Variants in KCNAB1 observed in about 807,000 individuals in gnomAD.
The protein encoded by KCNAB1 is potassium voltage-gated channel subfamily A regulatory beta subunit 1.
In KCNAB1, 35 loss-of-function variants were observed where a neutral mutation model predicts 64.6. The ratio of observed to expected loss-of-function variants is 0.54; its 90% CI spans 0.41 to 0.72. KCNAB1 has a LOEUF of 0.72. Ranked by LOEUF, KCNAB1 falls within the 30% of genes least tolerant of loss-of-function variation. The pLI is 0.00. For synonymous variants in KCNAB1, 177 were observed against 183.8 expected (o/e 0.96, Z 0.30); for missense variants, 401 against 512.9 (o/e 0.78, Z 2.11).
intron 1 of KCNAB1, chr3:156,176,824 C>T (rs1712408869): frequency 7.4e-6 from 7 of 946,780 alleles, no homozygotes; most frequent in Middle Eastern, 2.2e-4. Flanking sequence ...GGGCCCGATC[C>T]CGCCACTCCC....
chr3:156,154,451 A>G (rs747575517), intron 1 of KCNAB1, among the ~76,000 whole-genome samples: 1 of 152,044 alleles, frequency 6.6e-6, no homozygotes, highest in South Asian at 2.1e-4. Flanking sequence ...CCTCCGAACT[A>G]TGGGGGACAA....
intron 1 of KCNAB1, among the ~76,000 whole-genome samples, chr3:156,245,859 A>T (rs1189609708): frequency 6.6e-6 from 1 of 152,216 alleles, no homozygotes; most frequent in Non-Finnish European, 1.5e-5. Context: ...AAAGGCATTT[A>T]GCAACAGAAA....
chr3:156,489,914 A>G (rs558763097), intron 8 of KCNAB1, among the ~76,000 whole-genome samples: 1 of 152,200 alleles, frequency 6.6e-6, no homozygotes, highest in African/African-American at 2.4e-5. Flanking sequence ...GGGGTGAGGC[A>G]GGGACCAGGA....
At chr3:156,253,844 A>C (rs1717960476) in intron 1 of KCNAB1, among the ~76,000 whole-genome samples, 1 of 152,240 alleles carries the variant, frequency 6.6e-6, no homozygotes, top group African/African-American at 2.4e-5. Context: ...CTTCTGTGTG[A>C]TTCTGATGCC....
chr3:156,488,087 C>T (rs1308141779), intron 8 of KCNAB1, among the ~76,000 whole-genome samples: 1 of 152,026 alleles, frequency 6.6e-6, no homozygotes, highest in Non-Finnish European at 1.5e-5. Flanking sequence ...CACTCAGGTG[C>T]AAAACCTGGC....
chr3:156,178,314 A>G (rs1014253622), intron 1 of KCNAB1, among the ~76,000 whole-genome samples: 12 of 152,226 alleles, frequency 7.9e-5, no homozygotes, highest in Non-Finnish European at 1.6e-4. Context: ...GAGAACTATC[A>G]GGCAAGGAGA....
intron 1 of KCNAB1, among the ~76,000 whole-genome samples, chr3:156,162,717 A>T (rs532185489): frequency 1.3e-5 from 2 of 151,838 alleles, no homozygotes; most frequent in Non-Finnish European, 2.9e-5. Context: ...CCTTTGGTTT[A>T]AAAGAAAACA....
intron 1 of KCNAB1, among the ~76,000 whole-genome samples, chr3:156,316,471 A>G (rs1321522651): frequency 1.3e-5 from 2 of 152,260 alleles, no homozygotes; most frequent in Non-Finnish European, 2.9e-5. Flanking sequence ...GGTCAGTCTC[A>G]GTAGTTTTCA....
At chr3:156,447,332 C>G (rs1166147671) in intron 2 of KCNAB1, among the ~76,000 whole-genome samples, 1 of 151,814 alleles carries the variant, frequency 6.6e-6, no homozygotes, top group African/African-American at 2.4e-5. Flanking sequence ...TTTTGTTATT[C>G]CTTTTTCTTT....
At chr3:156,463,248 A>G (rs962572025) in intron 5 of KCNAB1, among the ~76,000 whole-genome samples, 1 of 152,182 alleles carries the variant, frequency 6.6e-6, no homozygotes, top group Non-Finnish European at 1.5e-5. Context: ...AGGAGTTCAT[A>G]TGCAATCAGC....
rs1560149802 is a variant in KCNAB1 at position 156,232,994 on chromosome 3, CCT to C, written c.275+112111_275+112112del. Among the ~76,000 whole-genome samples, 4 of 152,038 alleles carry C rather than the reference CCT, an allele frequency of 2.6e-5. No homozygotes were observed. In the South Asian group the frequency reaches 8.3e-4, roughly 32 times the overall value. On this transcript the variant is annotated intron_variant, in intron 1 of 13. Coordinates refer to ENST00000490337, the MANE Select transcript of KCNAB1 (RefSeq NM_172160.3). ...ATTATTATACCTGTGGATTATTATACCTCTTCTAGAGGATGGTCCATGCCTGG... is the reference window on the plus strand; with the variant it reads ...ATTATTATACCTGTGGATTATTATACCTTCTAGAGGATGGTCCATGCCTGG...
At position 156,537,240 on chromosome 3, in the gene KCNAB1, C is replaced by CAAA. The variant is rs3085726; in HGVS notation, c.*503_*505dup. On this transcript the variant is annotated 3_prime_UTR_variant, in exon 14 of 14. Transcript: ENST00000490337. ...TAGTTATTAAAAATATATCTCACTG[C>CAAA]AAAAAAAAAAAAGCAGTATCTTCAC... 10 of 350,160 alleles carry CAAA rather than the reference C, an allele frequency of 2.9e-5. No individual in the cohort carries two copies. The highest frequency in any genetic ancestry group is 2.6e-4 in the East Asian group (6 of 22,766). 21.7% of individuals were successfully genotyped at this position (350,160 alleles called of 1,614,324 possible).
chr3:156,350,288 G>A (rs963454918), intron 1 of KCNAB1, among the ~76,000 whole-genome samples: 1 of 152,160 alleles, frequency 6.6e-6, no homozygotes, highest in Non-Finnish European at 1.5e-5. Flanking sequence ...AGTGGTTTAT[G>A]CCTGTAATCC....
intron 1 of KCNAB1, among the ~76,000 whole-genome samples, chr3:156,257,986 T>C (rs1323632178): frequency 1.3e-5 from 2 of 152,204 alleles, no homozygotes; most frequent in Non-Finnish European, 2.9e-5. Flanking sequence ...CATACATCCT[T>C]AATGACTTTC....
intron 1 of KCNAB1, among the ~76,000 whole-genome samples, chr3:156,138,352 G>GTGTC: frequency 6.6e-6 from 1 of 152,258 alleles, no homozygotes; most frequent in East Asian, 1.9e-4. Context: ...CTGTAGTGTG[G>GTGTC]TGTCCCTTGT....
intron 1 of KCNAB1, among the ~76,000 whole-genome samples, chr3:156,377,348 G>A (rs1300226406): frequency 8.5e-5 from 13 of 152,148 alleles, no homozygotes; most frequent in Non-Finnish European, 2.9e-5. Context: ...GAGGAGGGAT[G>A]AGCCCCTCCC....
At chr3:156,184,676 T>C (rs1009834011) in intron 1 of KCNAB1, among the ~76,000 whole-genome samples, 1 of 152,206 alleles carries the variant, frequency 6.6e-6, no homozygotes, top group Admixed American at 6.5e-5. Flanking sequence ...AACAAAGCTG[T>C]CTATCTTTGC....
At chr3:156,361,575 G>A (rs1410508739) in intron 1 of KCNAB1, among the ~76,000 whole-genome samples, 4 of 152,114 alleles carry the variant, frequency 2.6e-5, no homozygotes, top group Non-Finnish European at 4.4e-5. Flanking sequence ...TTTTCATTGC[G>A]ATAGCCCTAC....
intron 1 of KCNAB1, among the ~76,000 whole-genome samples, chr3:156,218,972 T>A (rs1185129292): frequency 6.6e-6 from 1 of 151,818 alleles, no homozygotes; most frequent in Non-Finnish European, 1.5e-5. Flanking sequence ...GCCCTTGATC[T>A]CAGGTCTTCC....
Sources: allele counts gnomAD v4.1 joint callset (sites outside exome capture counted in the v4.1 genomes callset), GRCh38; gene constraint gnomAD v4.1.1; transcripts MANE v1.5; gene names NCBI Gene and HGNC (gene_info 2026-07-23, HGNC 2026-07-21).